SHISA6: variants seen among roughly 807,000 people sequenced by gnomAD.
SHISA6 encodes shisa family member 6.
SHISA6 carries 22 observed loss-of-function variants against 47.9 expected under a neutral mutation model. That is an observed-to-expected ratio of 0.46 (90% CI 0.33 to 0.66). The LOEUF is 0.66. SHISA6 is among the 30% of genes least tolerant of loss of function. The pLI, the probability that SHISA6 is intolerant of heterozygous loss-of-function variation, is 0.02. For missense variants in SHISA6, 680 were observed against 764.6 expected (o/e 0.89, Z 1.30); for synonymous variants, 388 against 337.8 (o/e 1.15, Z -1.63).
At chr17:11,318,409 G>T (rs1211149911) in intron 2 of SHISA6, among the ~76,000 whole-genome samples, 1 of 152,184 alleles carries the variant, frequency 6.6e-6, no homozygotes, top group African/African-American at 2.4e-5. Flanking sequence ...CCTGTGCCAA[G>T]CCACAGGGCC....
chr17:11,371,080 C>T (rs1912617560), intron 2 of SHISA6, among the ~76,000 whole-genome samples: 1 of 152,220 alleles, frequency 6.6e-6, no homozygotes, highest in African/African-American at 2.4e-5. Flanking sequence ...AGAATTGTCA[C>T]ATGAAATAAC....
At chr17:11,550,964 C>T (rs2071927429) in intron 3 of SHISA6, among the ~76,000 whole-genome samples, 1 of 151,246 alleles carries the variant, frequency 6.6e-6, no homozygotes, top group South Asian at 2.1e-4. Flanking sequence ...AAGAAGGCTT[C>T]AGTCACAAGA....
chr17:11,277,330 C>T (rs1908960854), intron 2 of SHISA6, among the ~76,000 whole-genome samples: 2 of 143,152 alleles, frequency 1.4e-5, no homozygotes, highest in Non-Finnish European at 1.5e-5. Flanking sequence ...CCCGCATGTA[C>T]GTATACAGAC....
chr17:11,368,893 G>T (rs918146461), intron 2 of SHISA6, among the ~76,000 whole-genome samples: 1 of 152,172 alleles, frequency 6.6e-6, no homozygotes, highest in African/African-American at 2.4e-5. Flanking sequence ...CTGACTTCGT[G>T]ATCCGCCCAC....
At chr17:11,250,399 T>C (rs1907755093) in intron 1 of SHISA6, among the ~76,000 whole-genome samples, 1 of 152,238 alleles carries the variant, frequency 6.6e-6, no homozygotes, top group Non-Finnish European at 1.5e-5. Context: ...CAGTGAGCAC[T>C]GCTGATCAAT....
chr17:11,469,691 C>G (rs2908941), intron 3 of SHISA6, among the ~76,000 whole-genome samples: 14,134 of 152,098 alleles, frequency 0.093, 983 homozygotes, highest in African/African-American at 0.19. Context: ...GGCTTTCCCC[C>G]CTTCTCCCTG....
At chr17:11,400,731 G>A (rs73282899) in intron 3 of SHISA6, among the ~76,000 whole-genome samples, 7,083 of 152,164 alleles carry the variant, frequency 0.047, 504 homozygotes, top group African/African-American at 0.15. Context: ...TCCACCTTCA[G>A]AGTCATTCTG....
At chr17:11,349,714 G>A (rs1911809928) in intron 2 of SHISA6, among the ~76,000 whole-genome samples, 1 of 152,158 alleles carries the variant, frequency 6.6e-6, no homozygotes, top group Non-Finnish European at 1.5e-5. Flanking sequence ...CTGTCAGTCA[G>A]CTCCACTATC....
intron 2 of SHISA6, among the ~76,000 whole-genome samples, chr17:11,298,868 T>A (rs549826689): frequency 6.6e-6 from 1 of 152,248 alleles, no homozygotes; most frequent in African/African-American, 2.4e-5. Flanking sequence ...GAGCCTAGCT[T>A]TTGCAGCTAC....
chr17:11,348,573 G>C (rs985050221), intron 2 of SHISA6, among the ~76,000 whole-genome samples: 3 of 151,872 alleles, frequency 2.0e-5, no homozygotes, highest in Non-Finnish European at 4.4e-5. Flanking sequence ...ATCCCAATAG[G>C]CCTCCTCAAT....
intron 2 of SHISA6, among the ~76,000 whole-genome samples, chr17:11,334,035 A>G (rs749522615): frequency 6.6e-6 from 1 of 152,060 alleles, no homozygotes; most frequent in Non-Finnish European, 1.5e-5. Flanking sequence ...TTTCTCCTTT[A>G]TGATAAACTG....
At chr17:11,403,753 G>A (rs1359664117) in intron 3 of SHISA6, among the ~76,000 whole-genome samples, 1 of 152,184 alleles carries the variant, frequency 6.6e-6, no homozygotes, top group East Asian at 1.9e-4. Flanking sequence ...TAATTACATA[G>A]GATACTTTTA....
At position 11,241,911 on chromosome 17, in the gene SHISA6, C is replaced by G. The variant is rs372008198; in HGVS notation, c.489C>G (p.Pro163=). 24 of 1,551,064 alleles carry G rather than the reference C, an allele frequency of 1.5e-5. No homozygotes were observed. The highest frequency in any genetic ancestry group is 1.7e-5 in the Non-Finnish European group (20 of 1,147,018). ...GCACCAAGGTGGTGTCGCCGGGGCC[C>G]GAGAACAAGTACGACCCGGAGAAGG... ...TPSTKVVSPG[P]ENKYDPEKDK... The change falls in exon 1 of 6, where the codon CCC becomes CCG. Residue 163 remains proline, a synonymous_variant. Transcript: ENST00000441885. The surrounding 1 kb of genome is among the most constrained non-coding windows in gnomAD (Gnocchi z 5.5).
intron 2 of SHISA6, among the ~76,000 whole-genome samples, chr17:11,362,812 A>G (rs1912331220): frequency 6.6e-6 from 1 of 152,190 alleles, no homozygotes; most frequent in Non-Finnish European, 1.5e-5. Context: ...TTTGGATCAG[A>G]GGCCTCCTAA....
intron 3 of SHISA6, among the ~76,000 whole-genome samples, chr17:11,415,079 A>G (rs544044167): frequency 7.0e-4 from 66 of 93,668 alleles, no homozygotes; most frequent in African/African-American, 1.8e-3. Flanking sequence ...AACTCCATCT[A>G]AAAAAAAAAA....
At chr17:11,470,919 GAAGA>G (rs1183797094) in intron 3 of SHISA6, among the ~76,000 whole-genome samples, 9 of 151,884 alleles carry the variant, frequency 5.9e-5, no homozygotes, top group African/African-American at 2.2e-4. Flanking sequence ...TAGGTCTAAA[GAAGA>G]AAGAGGCCGG....
chr17:11,268,070 G>C (rs746010398), intron 2 of SHISA6, among the ~76,000 whole-genome samples: 14 of 152,108 alleles, frequency 9.2e-5, no homozygotes, highest in Non-Finnish European at 1.6e-4. Context: ...GGAGAGTGGG[G>C]TGCCCATTCC....
chr17:11,312,540 T>C (rs907643656), intron 2 of SHISA6, among the ~76,000 whole-genome samples: 1 of 152,220 alleles, frequency 6.6e-6, no homozygotes, highest in Non-Finnish European at 1.5e-5. Context: ...CCTCCTTTTT[T>C]ACTCCTAGAT....
chr17:11,329,568 A>G (rs1597460810), intron 2 of SHISA6, among the ~76,000 whole-genome samples: 2 of 152,100 alleles, frequency 1.3e-5, no homozygotes, highest in African/African-American at 4.8e-5. Context: ...TGGCGGCACA[A>G]TGCATCTTGG....
Sources: allele counts gnomAD v4.1 joint callset (sites outside exome capture counted in the v4.1 genomes callset), GRCh38; gene constraint gnomAD v4.1.1; non-coding constraint Gnocchi (gnomAD v3.1); transcripts MANE v1.5; gene names NCBI Gene and HGNC (gene_info 2026-07-23, HGNC 2026-07-21).